The following SRSF1 variants were observed in gnomAD, a reference collection of about 807,000 sequenced individuals.
SRSF1 encodes serine/arginine-rich splicing factor 1.
Under a neutral mutation model 25.9 loss-of-function variants are expected in SRSF1, and 1 was observed. The observed-to-expected ratio is 0.04, with a 90% confidence interval of 0.01 to 0.18. The LOEUF is 0.18. Ranked by LOEUF, SRSF1 falls within the 10% of genes least tolerant of loss-of-function variation. The probability of loss-of-function intolerance (pLI) is 1.00; values close to 1 mark genes in which losing one functional copy is unlikely to be tolerated. For synonymous variants in SRSF1, 132 were observed against 126.2 expected (o/e 1.05, Z -0.31); for missense variants, 65 against 350.5 (o/e 0.19, Z 6.50).
rs2075394361 is a variant in SRSF1 at position 58,001,998 on chromosome 17, CA to C, written c.*3407del. On this transcript the variant is annotated 3_prime_UTR_variant, in exon 4 of 4. Transcript: ENST00000258962. ...GCCATTTACATTTTTTGGTCATTTCCAAAACATTCAATGAACACAAATGAAC... is the reference window on the plus strand; with the variant it reads ...GCCATTTACATTTTTTGGTCATTTCCAAACATTCAATGAACACAAATGAAC... 6.6e-6 allele frequency among the ~76,000 whole-genome samples: 1 copy of C among 152,106 alleles called. No homozygotes were observed. The highest frequency in any genetic ancestry group is 2.4e-5 in the African/African-American group (1 of 41,422).
At chr17:57,989,047 C>G in the SRSF1 span, 1 of 394,390 alleles carries the variant, frequency 2.5e-6, no homozygotes. Flanking sequence ...ATAGTATAGA[C>G]AAATTATTTT....
chr17:58,005,831 T>C lies in SRSF1; in HGVS notation c.522A>G (p.Lys174=), dbSNP rs115916959. Residue 174 remains lysine (K), a synonymous_variant, in exon 3 of 4, where the codon AAA becomes AAG. Transcript: ENST00000258962. The surrounding 1 kb of genome is among the most constrained non-coding windows in gnomAD (Gnocchi z 5.2). ...RKEDMTYAVR[K]LDNTKFRSHE... ...GAGATCTAAACTTAGTGTTATCCAG[T>C]TTTCGAACTGCATAGGTCATATCTT... is the stretch of plus-strand genomic sequence containing the variant. 46 of 1,614,134 alleles carry C rather than the reference T, an allele frequency of 2.8e-5. No individual in the cohort carries two copies. The African/African-American group carries it at 5.6e-4, about 20-fold the overall frequency.
In SRSF1 at chr17:58,005,469, T is replaced by C. The variant is rs147579081; in HGVS notation, c.684A>G (p.Pro228=). 5.6e-6 allele frequency: 9 copies of C among 1,614,190 alleles called. No homozygotes were observed. Among genetic ancestry groups the C allele is most frequent in the African/African-American group, 1.3e-5 (1 of 75,052 alleles). The change falls in exon 4 of 4, where the codon CCA becomes CCG. Residue 228 remains proline (P), a synonymous_variant. Coordinates refer to ENST00000258962, the MANE Select transcript of SRSF1 (RefSeq NM_006924.5). This position sits in a 1 kb window ranked among gnomAD's most constrained non-coding sequence, Gnocchi z 5.2. ...AGCGTGGTGATCCTCTGCTTCTCCT[T>C]GGGGAGTAACTGCGACTCCTGCTGT... ...RSNSRSRSYS[P]RRSRGSPRYS... is the part of the protein sequence containing the mutation.
downstream of SRSF1, among the ~76,000 whole-genome samples, chr17:57,996,483 T>TAAAAAAAAA (rs10677825): frequency 6.3e-3 from 453 of 72,250 alleles, 26 homozygotes; most frequent in African/African-American, 0.018. Context: ...GACACTGTCT[T>TAAAAAAAAA]AAAAAAAAAA....
intron 1 of SRSF1, 180 bp from the exon 2 acceptor site, chr17:58,006,707 C>T (rs750903356): frequency 1.1e-5 from 10 of 895,858 alleles, no homozygotes; most frequent in Admixed American, 2.9e-5. Flanking sequence ...ACTACACCAG[C>T]CCTCAGCGCC....
rs1293056729 is a variant in SRSF1 at position 58,005,637 on chromosome 17, A to C, written c.553-37T>G. 6.2e-7 allele frequency: 1 copy of C among 1,611,618 alleles called. No homozygotes were observed. Among genetic ancestry groups the C allele is most frequent in the East Asian group, 2.2e-5 (1 of 44,838 alleles). ...ACAGAACTTTCCATTGAAAGATCTA[A>C]GCTTTCATCTATCTTCAGACATGCT... On this transcript the variant is annotated intron_variant, in intron 3 of 3. Coordinates refer to ENST00000258962, the MANE Select transcript of SRSF1 (RefSeq NM_006924.5). The surrounding 1 kb of genome is among the most constrained non-coding windows in gnomAD (Gnocchi z 5.2).
chr17:58,005,984 G>T lies in SRSF1; in HGVS notation c.380-11C>A, dbSNP rs1567748950. On this transcript the variant is annotated splice_polypyrimidine_tract_variant and intron_variant, in intron 2 of 3. Coordinates refer to ENST00000258962, the MANE Select transcript of SRSF1 (RefSeq NM_006924.5). This position sits in a 1 kb window ranked among gnomAD's most constrained non-coding sequence, Gnocchi z 5.2. ...CACTTGGAGGCAGTCCTGAAAAAGTGATTTTTTTTTTCTTAGTACCAATTA... is the reference window on the plus strand; with the variant it reads ...CACTTGGAGGCAGTCCTGAAAAAGTTATTTTTTTTTTCTTAGTACCAATTA... The T allele has an allele frequency of 6.2e-7, 1 of 1,604,710 alleles. No individual in the cohort carries two copies. The highest frequency in any genetic ancestry group is 8.5e-7 in the Non-Finnish European group (1 of 1,178,454).
Position 58,005,852 on chromosome 17 carries a change from A to G in SRSF1, c.501T>C (p.Asp167=). 6.2e-7 allele frequency: 1 copy of G among 1,614,134 alleles called. No homozygotes were observed. The highest frequency in any genetic ancestry group is 8.5e-7 in the Non-Finnish European group (1 of 1,180,040). ...CCAGTTTTCGAACTGCATAGGTCAT[A>G]TCTTCTTTCCGTACAAACTCCACGA... ...TGVVEFVRKE[D]MTYAVRKLDN... The change falls in exon 3 of 4, where the codon GAT becomes GAC. Residue 167 remains aspartate (D), a synonymous_variant. Transcript: ENST00000258962. This position sits in a 1 kb window ranked among gnomAD's most constrained non-coding sequence, Gnocchi z 5.2.
intron 1 of SRSF1, 117 bp downstream of exon 1, chr17:58,006,827 T>G: frequency 7.9e-7 from 1 of 1,271,884 alleles, no homozygotes; most frequent in East Asian, 2.3e-5. Flanking sequence ...GGCGATACAG[T>G]CTCGCCCCAA....
rs1217279633 is a variant in SRSF1 at position 58,000,923 on chromosome 17, G to C, written c.*4483C>G. On this transcript the variant is annotated 3_prime_UTR_variant, in exon 4 of 4. Coordinates refer to ENST00000258962, the MANE Select transcript of SRSF1 (RefSeq NM_006924.5). Reference sequence around the variant, plus strand: ...AGTGCAAAATGAAGGCAGCAATTCTGGTCAGGGTTCACATTTAATTAGCTC... The same window carrying C: ...AGTGCAAAATGAAGGCAGCAATTCTCGTCAGGGTTCACATTTAATTAGCTC... Among the ~76,000 whole-genome samples, 1 of 152,110 alleles carries C rather than the reference G, an allele frequency of 6.6e-6. No individual in the cohort carries two copies. The highest frequency in any genetic ancestry group is 6.5e-5 in the Admixed American group (1 of 15,274).
At chr17:57,994,982 C>T in the SRSF1 span, 2 of 152,154 alleles carry the variant, frequency 1.3e-5, no homozygotes. Context: ...CAGTTACAGA[C>T]ATTTGTACAA....
Position 58,002,822 on chromosome 17 carries a change from G to C in SRSF1, c.*2584C>G, listed in dbSNP as rs536165176. Among the ~76,000 whole-genome samples the C allele has an allele frequency of 7.9e-5, 12 of 152,258 alleles. No homozygotes were observed. The highest frequency in any genetic ancestry group is 2.9e-4 in the African/African-American group (12 of 41,550). On this transcript the variant is annotated 3_prime_UTR_variant, in exon 4 of 4. Transcript: ENST00000258962. ...AGGCCAGGAGTTTTGGGACCAGCCT[G>C]GGTAACACAGAGAAACCACATCTCT...
rs907735470 is a variant in SRSF1 at position 58,005,374 on chromosome 17, C to T, written c.*32G>A. ...CTGAATAAAGGAAAACTGTATACAA[C>T]ATGGGTTCTACAAAAAGTGTCACCA... On this transcript the variant is annotated 3_prime_UTR_variant, in exon 4 of 4. Coordinates refer to ENST00000258962, the MANE Select transcript of SRSF1 (RefSeq NM_006924.5). This position sits in a 1 kb window ranked among gnomAD's most constrained non-coding sequence, Gnocchi z 5.2. 2.5e-6 allele frequency: 4 copies of T among 1,610,068 alleles called. No individual in the cohort carries two copies. Among genetic ancestry groups the T allele is most frequent in the Admixed American group, 1.7e-5 (1 of 59,942 alleles).
chr17:58,005,604 T>C lies in SRSF1; in HGVS notation c.553-4A>G. 6.2e-7 allele frequency: 1 copy of C among 1,613,898 alleles called. No homozygotes were observed. The highest frequency in any genetic ancestry group is 8.5e-7 in the Non-Finnish European group (1 of 1,179,760). On this transcript the variant is annotated splice_region_variant and splice_polypyrimidine_tract_variant and intron_variant, in intron 3 of 3. Transcript: ENST00000258962. The surrounding 1 kb of genome is among the most constrained non-coding windows in gnomAD (Gnocchi z 5.2). ...CCCGGATGTAGGCAGTTTCTCCCTA[T>C]TGGATAGACAGAACTTTCCATTGAA... is the stretch of plus-strand genomic sequence containing the variant.
the SRSF1 span, chr17:57,994,929 C>G: frequency 6.6e-6 from 1 of 152,200 alleles, no homozygotes; most frequent in African/African-American, 2.4e-5. Flanking sequence ...TAAGAATCTT[C>G]TCTACTGAAG....
At position 58,005,165 on chromosome 17, in the gene SRSF1, G is replaced by C; in HGVS notation, c.*241C>G. 1 of 568,972 alleles carries C rather than the reference G, an allele frequency of 1.8e-6. No individual in the cohort carries two copies. The highest frequency in any genetic ancestry group is 3.1e-6 in the Non-Finnish European group (1 of 322,860). The allele number at this position is 568,972 out of a possible 1,614,324, so 35.2% of individuals were successfully genotyped here. ...AGATAGACATTTACACAATATCACA[G>C]TCTGAAGAGTATGGAGTTAACTAAA... On this transcript the variant is annotated 3_prime_UTR_variant, in exon 4 of 4. Transcript: ENST00000258962. The surrounding 1 kb of genome is among the most constrained non-coding windows in gnomAD (Gnocchi z 5.2).
chr17:57,999,986 T>G (rs532366732), downstream of SRSF1, among the ~76,000 whole-genome samples: 3 of 152,222 alleles, frequency 2.0e-5, no homozygotes, highest in Non-Finnish European at 4.4e-5. Flanking sequence ...AACAGTAAAC[T>G]TCTTATGAAA....
chr17:57,993,801 C>A, the SRSF1 span: 2 of 152,254 alleles, frequency 1.3e-5, no homozygotes, highest in African/African-American at 4.8e-5. Context: ...CCCTCTACCC[C>A]AAGGGCCTGA....
chr17:57,996,511 T>C (rs2075366036), downstream of SRSF1, among the ~76,000 whole-genome samples: 1 of 101,396 alleles, frequency 9.9e-6, no homozygotes, highest in Admixed American at 1.0e-4. Context: ...AAACAGCCTT[T>C]GCTCTCAGTT....
Sources: gnomAD v4.1 joint callset for allele counts (sites outside exome capture counted in the v4.1 genomes callset) on GRCh38, gnomAD v4.1.1 for gene constraint, Gnocchi (gnomAD v3.1) non-coding constraint, MANE v1.5 for transcripts, NCBI Gene and HGNC (gene_info 2026-07-23, HGNC 2026-07-21) for gene names.